The following ZNF710 variants were observed in gnomAD, a reference collection of about 807,000 sequenced individuals.
The protein encoded by ZNF710 is zinc finger protein 710.
ZNF710 carries 13 observed loss-of-function variants against 50.6 expected under a neutral mutation model. That is an observed-to-expected ratio of 0.26 (90% CI 0.17 to 0.41). The LOEUF is 0.41. ZNF710 is among the 10% of genes least tolerant of loss of function. The pLI, the probability that ZNF710 is intolerant of heterozygous loss-of-function variation, is 1.00. For synonymous variants in ZNF710, 383 were observed against 397.0 expected, an observed-to-expected ratio of 0.96 and a Z score of 0.42; for missense variants, 721 against 936.6, an observed-to-expected ratio of 0.77 and a Z score of 3.01.
At chr15:90,000,659 G>C (rs1337564689), upstream of ZNF710, among the ~76,000 whole-genome samples, 1 of 152,234 alleles carries the variant, frequency 6.6e-6, no homozygotes, top group Non-Finnish European at 1.5e-5. Flanking sequence ...GCTCTGCGGG[G>C]ATGTTTGTTC....
At chr15:90,063,125 C>G (rs1456081598) in intron 1 of ZNF710, among the ~76,000 whole-genome samples, 1 of 152,130 alleles carries the variant, frequency 6.6e-6, no homozygotes, top group African/African-American at 2.4e-5. Flanking sequence ...TGCAGTTTGC[C>G]CAGGTCGTGC....
intron 1 of ZNF710, among the ~76,000 whole-genome samples, chr15:90,028,380 G>C (rs555245473): frequency 6.6e-6 from 1 of 152,184 alleles, no homozygotes; most frequent in Non-Finnish European, 1.5e-5. Flanking sequence ...TGTGCTCCAA[G>C]GGTGTCTCTG....
At chr15:90,033,760 C>G (rs1450761243) in intron 1 of ZNF710, among the ~76,000 whole-genome samples, 1 of 152,164 alleles carries the variant, frequency 6.6e-6, no homozygotes, top group African/African-American at 2.4e-5. Context: ...GTCACAGAGC[C>G]TGGGGAGAAA....
At chr15:90,042,829 G>A (rs963818411) in intron 1 of ZNF710, among the ~76,000 whole-genome samples, 1 of 152,236 alleles carries the variant, frequency 6.6e-6, no homozygotes, top group African/African-American at 2.4e-5. Context: ...CTAAATCCAG[G>A]TTAGGGCACG....
intron 1 of ZNF710, among the ~76,000 whole-genome samples, chr15:90,005,673 C>T (rs1230910478): frequency 3.9e-4 from 59 of 152,344 alleles, no homozygotes; most frequent in Admixed American, 3.7e-3. Flanking sequence ...TGGTCTCGAT[C>T]TCTTCACCTC....
chr15:90,032,819 C>G (rs1221340874), intron 1 of ZNF710, among the ~76,000 whole-genome samples: 2 of 150,080 alleles, frequency 1.3e-5, no homozygotes, highest in East Asian at 3.9e-4. Context: ...CCTGTATAGT[C>G]TTAGCTACTC....
rs1900199851 is a variant in ZNF710, at chr15:90,067,271, C to G, written c.134C>G (p.Pro45Arg). Residue 45 changes from proline to arginine, a missense_variant, in exon 2 of 5, where the codon CCG becomes CGG. This residue lies in a region of ZNF710 where 326 missense variants were observed against 347.1 expected (regional missense o/e 0.94). Coordinates refer to ENST00000268154, the MANE Select transcript of ZNF710 (RefSeq NM_198526.4). The surrounding 1 kb of genome is among the most constrained non-coding windows in gnomAD (Gnocchi z 8.1). ...GATISAEAFY[P>R]DLGPELSGAA... ...ACCATAAGCGCCGAGGCCTTCTACC[C>G]GGACCTGGGGCCCGAGCTTTCAGGG... The G allele has an allele frequency of 6.2e-7, 1 of 1,612,606 alleles. No individual in the cohort carries two copies. The highest frequency in any genetic ancestry group is 1.1e-5 in the South Asian group (1 of 90,894).
At chr15:90,045,756 G>A (rs1251693253) in intron 1 of ZNF710, among the ~76,000 whole-genome samples, 1 of 152,164 alleles carries the variant, frequency 6.6e-6, no homozygotes, top group East Asian at 1.9e-4. Flanking sequence ...CAGTTTAGGG[G>A]GTGGAGAGAA....
chr15:90,063,923 AG>A (rs1390184827), intron 1 of ZNF710, among the ~76,000 whole-genome samples: 1 of 152,194 alleles, frequency 6.6e-6, no homozygotes, highest in Admixed American at 6.5e-5. Context: ...CCCATGAGTC[AG>A]GAGCCTCTTC....
In ZNF710 at chr15:90,080,431, TG is replaced by T. The variant is rs769477238; in HGVS notation, c.*608del. The T allele has an allele frequency of 1.3e-5, 2 of 152,812 alleles. No individual in the cohort carries two copies. The highest frequency in any genetic ancestry group is 1.9e-4 in the East Asian group (1 of 5,186). 9.5% of individuals were successfully genotyped at this position (152,812 alleles called of 1,614,324 possible). A position where few individuals can be genotyped will look rare whatever the true frequency, so the allele number is the denominator to read the frequency against. On this transcript the variant is annotated 3_prime_UTR_variant, in exon 5 of 5. Transcript: ENST00000268154. The stretch of plus-strand genomic sequence containing the variant: ...CCCTGGCCCTGGCCTGCAGGACAGC[TG>T]GGGGGCACCCAGCCCCCAGAAGACC...
At chr15:90,064,896 C>T (rs1900119645) in intron 1 of ZNF710, among the ~76,000 whole-genome samples, 1 of 152,128 alleles carries the variant, frequency 6.6e-6, no homozygotes, top group Non-Finnish European at 1.5e-5. Context: ...TGTTTTCATC[C>T]CCGTTTTTCA....
intron 1 of ZNF710, among the ~76,000 whole-genome samples, chr15:90,030,880 A>G (rs1266602367): frequency 1.3e-5 from 2 of 151,556 alleles, no homozygotes; most frequent in Non-Finnish European, 2.9e-5. Context: ...TTAGCCGGGC[A>G]TGGTGGCGCG....
intron 1 of ZNF710, among the ~76,000 whole-genome samples, chr15:90,018,032 T>G (rs964354651): frequency 6.6e-6 from 1 of 152,164 alleles, no homozygotes; most frequent in Non-Finnish European, 1.5e-5. Context: ...CCCAGCATTC[T>G]GCTCCATCAT....
chr15:90,023,313 C>G (rs1356735257), intron 1 of ZNF710, among the ~76,000 whole-genome samples: 2 of 152,238 alleles, frequency 1.3e-5, no homozygotes, highest in East Asian at 1.9e-4. Context: ...AGATAAAAAT[C>G]AGAGCTAAAA....
chr15:90,038,157 G>C (rs919713984), intron 1 of ZNF710, among the ~76,000 whole-genome samples: 1 of 152,154 alleles, frequency 6.6e-6, no homozygotes, highest in African/African-American at 2.4e-5. Context: ...TTTTCTATGT[G>C]TGCCATGCAG....
rs372301042 is a variant in ZNF710, at chr15:90,079,750, C to T, written c.1916C>T (p.Ala639Val). 16 of 1,613,340 alleles carry T rather than the reference C, an allele frequency of 9.9e-6. No individual in the cohort carries two copies. Among genetic ancestry groups the T allele is most frequent in the Admixed American group, 6.7e-5 (4 of 59,764 alleles). The change falls in exon 5 of 5, where the codon GCG (alanine) becomes GTG (valine). Residue 639 changes from alanine to valine, a missense_variant. By Grantham distance (64) the Ala-to-Val change is moderately conservative (BLOSUM62 0). Transcript: ENST00000268154. ...TTCGAGGAGAACGCCTACAGCTATG[C>T]GAGCGTGGACAGCAGCGCCGAGGCC... ...EDFEENAYSY[A>V]SVDSSAEASV...
intron 1 of ZNF710, among the ~76,000 whole-genome samples, chr15:90,019,896 A>T: frequency 6.6e-6 from 1 of 152,252 alleles, no homozygotes; most frequent in African/African-American, 2.4e-5. Flanking sequence ...TTCTTCCAAG[A>T]GAATGCTCCT....
In ZNF710 at chr15:90,074,001, A is replaced by AC. The variant is rs1357767221; in HGVS notation, c.1651-115_1651-114insC. The stretch of plus-strand genomic sequence containing the variant: ...TGAGAGTCTGTCTCAAAAAAAAAAC[A>AC]AAAAAAAAAAACAAAAGAATAGGAT... On this transcript the variant is annotated intron_variant, in intron 3 of 4. Coordinates refer to ENST00000268154, the MANE Select transcript of ZNF710 (RefSeq NM_198526.4). 131 of 844,090 alleles carry AC rather than the reference A, an allele frequency of 1.6e-4. 3 individuals carry two copies. The South Asian group carries it at 2.7e-3, about 17-fold the overall frequency. 52.3% of individuals were successfully genotyped at this position (844,090 alleles called of 1,614,324 possible).
chr15:90,008,540 TG>T (rs1567218537), intron 1 of ZNF710, among the ~76,000 whole-genome samples: 1 of 149,978 alleles, frequency 6.7e-6, no homozygotes, highest in East Asian at 1.9e-4. Context: ...CACAGGACTT[TG>T]GGAGGCCCAG....
Sources: gnomAD v4.1 joint callset for allele counts (sites outside exome capture counted in the v4.1 genomes callset) on GRCh38, gnomAD v4.1.1 for gene constraint, gnomAD v4.1.1 regional missense constraint, Gnocchi (gnomAD v3.1) non-coding constraint, MANE v1.5 for transcripts, NCBI Gene and HGNC (gene_info 2026-07-23, HGNC 2026-07-21) for gene names.